The following RSPO2 variants were observed in gnomAD, a reference collection of about 807,000 sequenced individuals.
The protein encoded by RSPO2 is R-spondin-2.
RSPO2 carries 14 observed loss-of-function variants against 30.9 expected under a neutral mutation model. The ratio of observed to expected loss-of-function variants is 0.45; its 90% CI spans 0.30 to 0.71. The LOEUF (loss-of-function observed/expected upper bound fraction) is 0.71, where lower values mean the gene tolerates loss of function less well. Among genes scored for constraint, RSPO2 ranks in the 30% least tolerant of loss-of-function variants. The probability of loss-of-function intolerance (pLI) is 0.08; values close to 1 mark genes in which losing one functional copy is unlikely to be tolerated. For synonymous variants in RSPO2, 107 were observed against 96.4 expected (o/e 1.11, Z -0.64); for missense variants, 264 against 301.9 (o/e 0.87, Z 0.93).
Position 107,965,069 on chromosome 8 carries a change from G to T in RSPO2, c.284-4252C>A, listed in dbSNP as rs76498175. 9.9e-4 allele frequency among the ~76,000 whole-genome samples: 150 copies of T among 152,224 alleles called. No homozygotes were observed. In the East Asian group the frequency reaches 0.016, roughly 16 times the overall value. Reference sequence around the variant, plus strand: ...TCACACAATAGATTGTTAAACCTTAGAAAACTGTATGCTACATAATAGGTA... The same window carrying T: ...TCACACAATAGATTGTTAAACCTTATAAAACTGTATGCTACATAATAGGTA... On this transcript the variant is annotated intron_variant, in intron 3 of 5. Transcript: ENST00000276659.
At position 108,036,488 on chromosome 8, in the gene RSPO2, C is replaced by G. The variant is rs78344703; in HGVS notation, c.94+46057G>C. On this transcript the variant is annotated intron_variant, in intron 2 of 5. Transcript: ENST00000276659. ...CTGAACTGTCATTCAGGCAAGGAAG[C>G]CTGTGGCACATCATAAAGACCTGTG... Among the ~76,000 whole-genome samples, 527 of 152,312 alleles carry G rather than the reference C, an allele frequency of 3.5e-3. 4 individuals are homozygous for G. Among genetic ancestry groups the G allele is most frequent in the African/African-American group, 0.012 (507 of 41,566 alleles).
intron 2 of RSPO2, among the ~76,000 whole-genome samples, chr8:108,001,514 T>C (rs1023900913): frequency 1.3e-5 from 2 of 152,136 alleles, no homozygotes; most frequent in East Asian, 3.9e-4. Context: ...CAATTAAGGA[T>C]CACAACACAT....
chr8:107,985,186 A>T lies in RSPO2; in HGVS notation c.283+3870T>A, dbSNP rs1392668716. 2.0e-5 allele frequency among the ~76,000 whole-genome samples: 3 copies of T among 152,300 alleles called. No homozygotes were observed. In the East Asian group the frequency reaches 5.8e-4, roughly 29 times the overall value. ...TGTTATTAATAGCCAGAGAGATGCA[A>T]GTGAAAATGACCACTGTTAGTGAAG... On this transcript the variant is annotated intron_variant, in intron 3 of 5. Coordinates refer to ENST00000276659, the MANE Select transcript of RSPO2 (RefSeq NM_178565.5).
chr8:108,049,317 C>G (rs1337812182), intron 2 of RSPO2, among the ~76,000 whole-genome samples: 1 of 151,996 alleles, frequency 6.6e-6, no homozygotes, highest in East Asian at 1.9e-4. Flanking sequence ...TACCTGGAAT[C>G]TTAGCTTTCC....
chr8:108,063,699 CAA>C (rs1291883723), intron 2 of RSPO2, among the ~76,000 whole-genome samples: 4 of 151,744 alleles, frequency 2.6e-5, no homozygotes, highest in Non-Finnish European at 5.9e-5. Flanking sequence ...CATATGGAAC[CAA>C]AAAGAGCCCG....
intron 3 of RSPO2, among the ~76,000 whole-genome samples, chr8:107,978,682 A>G (rs1335765353): frequency 5.9e-5 from 9 of 152,258 alleles, no homozygotes; most frequent in East Asian, 1.9e-4. Context: ...TGACAAATGG[A>G]ATCTAATTAA....
chr8:108,058,679 T>C (rs955581409), intron 2 of RSPO2, among the ~76,000 whole-genome samples: 1 of 151,738 alleles, frequency 6.6e-6, no homozygotes, highest in African/African-American at 2.4e-5. Flanking sequence ...AACAGAGCCC[T>C]CAGAAATAAT....
chr8:108,024,109 A>G (rs923199865), intron 2 of RSPO2, among the ~76,000 whole-genome samples: 3 of 147,004 alleles, frequency 2.0e-5, no homozygotes, highest in South Asian at 2.2e-4. Flanking sequence ...GGTATTCAAA[A>G]GAAATAAAAG....
intron 2 of RSPO2, among the ~76,000 whole-genome samples, chr8:108,033,839 C>T (rs2130641346): frequency 6.6e-6 from 1 of 152,286 alleles, no homozygotes; most frequent in South Asian, 2.1e-4. Flanking sequence ...AAATGCAACA[C>T]CAAGTTGTAC....
At chr8:108,056,341 A>G (rs1368277643) in intron 2 of RSPO2, among the ~76,000 whole-genome samples, 2 of 152,082 alleles carry the variant, frequency 1.3e-5, no homozygotes, top group Non-Finnish European at 2.9e-5. Flanking sequence ...CCAATCTTGT[A>G]AGCATAGTGA....
intron 5 of RSPO2, among the ~76,000 whole-genome samples, chr8:107,934,587 G>A (rs1278612120): frequency 1.3e-5 from 2 of 151,980 alleles, no homozygotes; most frequent in African/African-American, 4.8e-5. Flanking sequence ...GGTCAGGCTG[G>A]TCTCGAACTC....
In RSPO2 at chr8:107,901,206, G is replaced by T; in HGVS notation, c.617-16C>A. 3.7e-6 allele frequency: 6 copies of T among 1,600,644 alleles called. No homozygotes were observed. Among genetic ancestry groups the T allele is most frequent in the Non-Finnish European group, 4.3e-6 (5 of 1,174,592 alleles). On this transcript the variant is annotated splice_polypyrimidine_tract_variant and intron_variant, in intron 5 of 5. Transcript: ENST00000276659. Reference sequence around the variant, plus strand: ...GTTCTCTTCCCTGCAATGAAGGAAAGAAAAGAAGAGATGTCAGAAATGGCT... The same window carrying T: ...GTTCTCTTCCCTGCAATGAAGGAAATAAAAGAAGAGATGTCAGAAATGGCT...
At chr8:108,055,244 T>C (rs1257598292) in intron 2 of RSPO2, among the ~76,000 whole-genome samples, 2 of 151,894 alleles carry the variant, frequency 1.3e-5, no homozygotes, top group African/African-American at 4.8e-5. Flanking sequence ...GAACAGCAAA[T>C]GCAAAGGTAA....
intron 2 of RSPO2, among the ~76,000 whole-genome samples, chr8:108,046,517 C>T (rs1029385383): frequency 1.1e-4 from 16 of 152,018 alleles, no homozygotes; most frequent in Admixed American, 4.6e-4. Context: ...TGGTCACTGA[C>T]CATTTTCTTA....
At chr8:107,911,265 A>T (rs1255621211) in intron 5 of RSPO2, among the ~76,000 whole-genome samples, 1 of 152,188 alleles carries the variant, frequency 6.6e-6, no homozygotes, top group Non-Finnish European at 1.5e-5. Flanking sequence ...AGAGGAATTC[A>T]ACATGCCTCA....
At chr8:107,993,096 A>G (rs980008865) in intron 2 of RSPO2, among the ~76,000 whole-genome samples, 1 of 152,212 alleles carries the variant, frequency 6.6e-6, no homozygotes. Flanking sequence ...TTGAAACTAA[A>G]TATCTTATAT....
chr8:107,935,148 G>A (rs989720962), intron 5 of RSPO2, among the ~76,000 whole-genome samples: 2 of 152,196 alleles, frequency 1.3e-5, no homozygotes, highest in East Asian at 1.9e-4. Context: ...GAGAAATATC[G>A]CTGAATTCTT....
chr8:107,930,004 T>G (rs760130537), intron 5 of RSPO2, among the ~76,000 whole-genome samples: 70 of 152,332 alleles, frequency 4.6e-4, no homozygotes, highest in Middle Eastern at 3.4e-3. Flanking sequence ...CTCCTTGGTT[T>G]AAGAACCACT....
chr8:108,043,012 C>A (rs1434525), intron 2 of RSPO2, among the ~76,000 whole-genome samples: 4,826 of 152,084 alleles, frequency 0.032, 104 homozygotes, highest in African/African-American at 0.06. Flanking sequence ...CTAAAACATC[C>A]TGAGTATACA....
Sources: allele counts gnomAD v4.1 joint callset (sites outside exome capture counted in the v4.1 genomes callset), GRCh38; gene constraint gnomAD v4.1.1; transcripts MANE v1.5; gene names NCBI Gene and HGNC (gene_info 2026-07-23, HGNC 2026-07-21).